LRRIQ3: variants seen among roughly 807,000 people sequenced by gnomAD.
LRRIQ3 encodes the protein leucine-rich repeat and IQ domain-containing protein 3.
In LRRIQ3, 75 loss-of-function variants were observed where a neutral mutation model predicts 59.3. The observed-to-expected ratio is 1.26, with a 90% confidence interval of 1.05 to 1.53. The LOEUF (loss-of-function observed/expected upper bound fraction) is 1.53, where lower values mean the gene tolerates loss of function less well. Among genes scored for constraint, LRRIQ3 ranks in the 40% most tolerant of loss-of-function variants. The pLI, the probability that LRRIQ3 is intolerant of heterozygous loss-of-function variation, is 0.00. For synonymous variants in LRRIQ3, 250 were observed against 231.3 expected (o/e 1.08, Z -0.73); for missense variants, 831 against 710.0 (o/e 1.17, Z -1.94).
intron 5 of LRRIQ3, among the ~76,000 whole-genome samples, chr1:74,101,288 G>A (rs1448699699): frequency 1.3e-5 from 2 of 152,132 alleles, no homozygotes. Context: ...CATTTATGCA[G>A]CCAATAGACA....
At chr1:74,147,173 G>A (rs1047428548) in intron 4 of LRRIQ3, among the ~76,000 whole-genome samples, 5 of 152,106 alleles carry the variant, frequency 3.3e-5, no homozygotes, top group African/African-American at 1.2e-4. Context: ...AGGTTGCAGT[G>A]AGCTTAGATA....
At chr1:74,109,640 G>T (rs1022548314) in intron 4 of LRRIQ3, 87 bp from the exon 5 acceptor site, 112 of 1,071,784 alleles carry the variant, frequency 1.0e-4, no homozygotes, top group Non-Finnish European at 1.3e-4. Flanking sequence ...TTACATCTTA[G>T]AAAACATAGT....
chr1:74,158,931 C>T (rs528776609), intron 3 of LRRIQ3, among the ~76,000 whole-genome samples: 11 of 152,168 alleles, frequency 7.2e-5, no homozygotes, highest in South Asian at 2.1e-4. Flanking sequence ...CCCCTGGGCC[C>T]CTGAACTTTG....
chr1:74,119,482 T>C (rs1570147314), intron 4 of LRRIQ3, among the ~76,000 whole-genome samples: 2 of 152,242 alleles, frequency 1.3e-5, no homozygotes, highest in Non-Finnish European at 1.5e-5. Context: ...AGTAGTTAAA[T>C]ACATTTTCTC....
intron 5 of LRRIQ3, among the ~76,000 whole-genome samples, chr1:74,102,059 TA>T (rs11304358): frequency 0.12 from 16,343 of 138,856 alleles, 937 homozygotes; most frequent in African/African-American, 0.15. Context: ...AAAGTATAAT[TA>T]AAAAAAAAAA....
chr1:74,101,134 G>T (rs1336765509), intron 5 of LRRIQ3, among the ~76,000 whole-genome samples: 1 of 152,068 alleles, frequency 6.6e-6, no homozygotes, highest in Non-Finnish European at 1.5e-5. Flanking sequence ...CTACAGAACA[G>T]GAGAACATTT....
chr1:74,112,859 C>T (rs985933418), intron 4 of LRRIQ3, among the ~76,000 whole-genome samples: 1 of 151,858 alleles, frequency 6.6e-6, no homozygotes, highest in South Asian at 2.1e-4. Flanking sequence ...TACAGTATCC[C>T]GGATTGTTAC....
intron 5 of LRRIQ3, among the ~76,000 whole-genome samples, chr1:74,099,590 A>G (rs1047520370): frequency 1.3e-5 from 2 of 152,190 alleles, no homozygotes; most frequent in African/African-American, 4.8e-5. Context: ...AAAGCCTAGC[A>G]GAGACACAAC....
intron 4 of LRRIQ3, among the ~76,000 whole-genome samples, chr1:74,113,732 C>T (rs886064691): frequency 1.3e-5 from 2 of 151,966 alleles, no homozygotes; most frequent in Non-Finnish European, 2.9e-5. Context: ...CAGATCAATA[C>T]AAGCTAAAAT....
At chr1:74,047,446 G>T (rs1654238707) in intron 6 of LRRIQ3, among the ~76,000 whole-genome samples, 1 of 152,110 alleles carries the variant, frequency 6.6e-6, no homozygotes, top group Non-Finnish European at 1.5e-5. Flanking sequence ...CTGTTGGGGT[G>T]TGATGGGCTA....
rs11403724 is a variant in LRRIQ3 at position 74,053,177 on chromosome 1, C to CAAA, written c.998-11247_998-11245dup. 9.9e-5 allele frequency among the ~76,000 whole-genome samples: 10 copies of CAAA among 100,918 alleles called. 1 individual carries two copies. The highest frequency in any genetic ancestry group is 1.3e-4 in the Non-Finnish European group (7 of 55,122). The allele number at this position is 100,918 out of a possible 152,430, so 66.2% of individuals were successfully genotyped here. On this transcript the variant is annotated intron_variant, in intron 6 of 7. Transcript: ENST00000354431. ...ATGAAATAACCGGTCCTCCACATGCCAAAAAAAAAAAAAAAAACAAATTAA... is the reference window on the plus strand; with the variant it reads ...ATGAAATAACCGGTCCTCCACATGCCAAAAAAAAAAAAAAAAAAAACAAATTAA...
intron 5 of LRRIQ3, among the ~76,000 whole-genome samples, chr1:74,075,783 C>T (rs1646199831): frequency 6.6e-6 from 1 of 152,112 alleles, no homozygotes; most frequent in Non-Finnish European, 1.5e-5. Context: ...GGGACATAGG[C>T]TCTTTCAAAA....
chr1:74,065,656 T>C (rs529292154), intron 6 of LRRIQ3, among the ~76,000 whole-genome samples: 43 of 152,274 alleles, frequency 2.8e-4, no homozygotes, highest in African/African-American at 1.0e-3. Flanking sequence ...GGCACACTTA[T>C]ATTTGCTAAA....
intron 7 of LRRIQ3, among the ~76,000 whole-genome samples, chr1:74,028,685 T>C (rs142943785): frequency 2.0e-5 from 3 of 151,992 alleles, no homozygotes; most frequent in African/African-American, 4.8e-5. Context: ...TGATTTTAGA[T>C]AGGTTATTTA....
At position 74,161,172 on chromosome 1, in the gene LRRIQ3, G is replaced by A. The variant is rs774530941; in HGVS notation, c.574-5306C>T. On this transcript the variant is annotated intron_variant, in intron 3 of 7. Coordinates refer to ENST00000354431, the MANE Select transcript of LRRIQ3 (RefSeq NM_001105659.2). ...TGTCCTCACGTAATGGAAAGGGGACGGATCTCTCTGGGGCCTCTTTACAAA... is the reference window on the plus strand; with the variant it reads ...TGTCCTCACGTAATGGAAAGGGGACAGATCTCTCTGGGGCCTCTTTACAAA... Among the ~76,000 whole-genome samples the A allele has an allele frequency of 7.2e-5, 11 of 151,962 alleles. No individual in the cohort carries two copies. The East Asian group carries it at 1.9e-3, about 27-fold the overall frequency.
chr1:74,084,029 G>A, intron 5 of LRRIQ3: 5 of 600,762 alleles, frequency 8.3e-6, no homozygotes, highest in Non-Finnish European at 1.1e-5. Flanking sequence ...GAATTACTAA[G>A]TGTATTTCTC....
intron 4 of LRRIQ3, among the ~76,000 whole-genome samples, chr1:74,124,245 CT>C (rs924675719): frequency 2.6e-5 from 4 of 151,686 alleles, no homozygotes; most frequent in Non-Finnish European, 4.4e-5. Flanking sequence ...GTTTGAGCTC[CT>C]TATATATTGT....
chr1:74,132,501 T>C (rs1461289381), intron 4 of LRRIQ3, among the ~76,000 whole-genome samples: 2 of 152,128 alleles, frequency 1.3e-5, no homozygotes, highest in Non-Finnish European at 2.9e-5. Flanking sequence ...AGCATGGTAC[T>C]GGTACCAAAA....
chr1:74,154,240 C>CAAACAAAAAAAAAAAAAAAAA (rs1648176929), intron 4 of LRRIQ3, among the ~76,000 whole-genome samples: 7 of 57,278 alleles, frequency 1.2e-4, no homozygotes, highest in African/African-American at 4.4e-4. Flanking sequence ...GACTCCTTCT[C>CAAACAAAAAAAAAAAAAAAAA]AAAAAAAAAA....
Sources: allele counts gnomAD v4.1 joint callset (sites outside exome capture counted in the v4.1 genomes callset), GRCh38; gene constraint gnomAD v4.1.1; transcripts MANE v1.5; gene names NCBI Gene and HGNC (gene_info 2026-07-23, HGNC 2026-07-21).